Variants in RBM47 observed in about 807,000 individuals in gnomAD.
RBM47 encodes the protein RNA binding motif protein 47.
In RBM47, 21 loss-of-function variants were observed where a neutral mutation model predicts 47.1. The ratio of observed to expected loss-of-function variants is 0.45; its 90% CI spans 0.32 to 0.64. The LOEUF is 0.64. Ranked by LOEUF, RBM47 falls within the 30% of genes least tolerant of loss-of-function variation. The pLI, the probability that RBM47 is intolerant of heterozygous loss-of-function variation, is 0.05. For synonymous variants in RBM47, 375 were observed against 361.7 expected, an observed-to-expected ratio of 1.04 and a Z score of -0.42; for missense variants, 708 against 870.9, an observed-to-expected ratio of 0.81 and a Z score of 2.35.
At chr4:40,465,042 C>T (rs926582399) in intron 3 of RBM47, among the ~76,000 whole-genome samples, 1 of 151,824 alleles carries the variant, frequency 6.6e-6, no homozygotes, top group South Asian at 2.1e-4. Context: ...GATTTCCTTC[C>T]ATTAGTATAC....
intron 2 of RBM47, among the ~76,000 whole-genome samples, chr4:40,497,344 C>G (rs56952981): frequency 0.16 from 23,823 of 152,166 alleles, 1,904 homozygotes; most frequent in East Asian, 0.19. Flanking sequence ...AAGGGCCGGG[C>G]ATGGTGGCTC....
chr4:40,449,617 G>C (rs1311689185), intron 3 of RBM47, among the ~76,000 whole-genome samples: 3 of 152,182 alleles, frequency 2.0e-5, no homozygotes, highest in Admixed American at 2.0e-4. Context: ...GAAAGGGGTG[G>C]AGTGGGGAGA....
intron 1 of RBM47, among the ~76,000 whole-genome samples, chr4:40,595,182 G>C (rs1195499678): frequency 1.3e-5 from 2 of 152,152 alleles, no homozygotes; most frequent in East Asian, 3.8e-4. Context: ...GCCTGGGAAG[G>C]GGGAATAGCC....
chr4:40,562,557 C>T (rs368484395), intron 1 of RBM47, among the ~76,000 whole-genome samples: 5 of 151,306 alleles, frequency 3.3e-5, no homozygotes, highest in Admixed American at 6.6e-5. Context: ...CCTCTGCCTC[C>T]GGGGTTCAAG....
chr4:40,481,796 C>T (rs970484931), intron 2 of RBM47, among the ~76,000 whole-genome samples: 7 of 152,218 alleles, frequency 4.6e-5, no homozygotes, highest in African/African-American at 1.7e-4. Flanking sequence ...AAGCGATCCG[C>T]CCGCCTTGGT....
At chr4:40,502,339 G>C (rs115992827) in intron 2 of RBM47, among the ~76,000 whole-genome samples, 1 of 152,124 alleles carries the variant, frequency 6.6e-6, no homozygotes, top group African/African-American at 2.4e-5. Context: ...AGTCCAGAAC[G>C]TCATTTGATG....
At chr4:40,558,258 T>C (rs1162167574) in intron 1 of RBM47, among the ~76,000 whole-genome samples, 1 of 152,186 alleles carries the variant, frequency 6.6e-6, no homozygotes, top group Non-Finnish European at 1.5e-5. Context: ...GGCTCAGAAA[T>C]CATTTTTTCT....
At position 40,439,002 on chromosome 4, in the gene RBM47, G is replaced by A. The variant is rs1465340931; in HGVS notation, c.-31-78C>T. The A allele has an allele frequency of 5.4e-6, 7 of 1,300,910 alleles. No homozygotes were observed. In the East Asian group the frequency reaches 1.8e-4, roughly 33 times the overall value. The allele number at this position is 1,300,910 out of a possible 1,614,324, so 80.6% of individuals were successfully genotyped here. On this transcript the variant is annotated intron_variant, in intron 3 of 6. Coordinates refer to ENST00000295971, the MANE Select transcript of RBM47 (RefSeq NM_001098634.2). Reference sequence around the variant, plus strand: ...TGGGTTGTGTTTCGCAGCCTTGCAAGTATGCATTAATAGGCCACGGGGAAG... The same window carrying A: ...TGGGTTGTGTTTCGCAGCCTTGCAAATATGCATTAATAGGCCACGGGGAAG...
intron 2 of RBM47, among the ~76,000 whole-genome samples, chr4:40,476,942 A>G (rs1188439373): frequency 2.6e-5 from 4 of 152,228 alleles, no homozygotes; most frequent in African/African-American, 9.6e-5. Flanking sequence ...GGAAGTAAAA[A>G]GACCAGAATG....
intron 3 of RBM47, among the ~76,000 whole-genome samples, chr4:40,445,880 G>T (rs1577651545): frequency 6.6e-6 from 1 of 152,168 alleles, no homozygotes; most frequent in East Asian, 1.9e-4. Flanking sequence ...TTCAGAAGTA[G>T]AAACTTATCT....
intron 6 of RBM47, 47 bp from the exon 7 acceptor site, chr4:40,426,190 C>T: frequency 6.3e-7 from 1 of 1,576,142 alleles, no homozygotes; most frequent in South Asian, 1.2e-5. Flanking sequence ...CGTGTATGTA[C>T]CTATCATCCA....
At chr4:40,627,594 T>C (rs1737860445) in intron 1 of RBM47, among the ~76,000 whole-genome samples, 1 of 152,228 alleles carries the variant, frequency 6.6e-6, no homozygotes, top group Non-Finnish European at 1.5e-5. Context: ...AATTAAATCC[T>C]TTTGTAAGAA....
intron 1 of RBM47, among the ~76,000 whole-genome samples, chr4:40,581,465 T>TAAATAAATAAAA (rs1286437869): frequency 2.7e-5 from 4 of 150,400 alleles, no homozygotes; most frequent in South Asian, 2.1e-4. Flanking sequence ...AATAAATAAA[T>TAAATAAATAAAA]AAAAGGAGAG....
chr4:40,477,044 G>C (rs1231749120), intron 2 of RBM47, among the ~76,000 whole-genome samples: 1 of 152,142 alleles, frequency 6.6e-6, no homozygotes, highest in South Asian at 2.1e-4. Context: ...AGACTCGGGC[G>C]TGGTGGTGGG....
At chr4:40,433,963 T>G (rs1711790914) in intron 5 of RBM47, among the ~76,000 whole-genome samples, 1 of 133,988 alleles carries the variant, frequency 7.5e-6, no homozygotes, top group Non-Finnish European at 1.5e-5. Context: ...AAGGAAAAGA[T>G]ATCAGCCCTT....
At chr4:40,593,879 G>T in intron 1 of RBM47, among the ~76,000 whole-genome samples, 1 of 98,574 alleles carries the variant, frequency 1.0e-5, no homozygotes, top group African/African-American at 4.4e-5. Flanking sequence ...GCGAGACTCT[G>T]TCTCAAAAAA....
intron 2 of RBM47, among the ~76,000 whole-genome samples, chr4:40,498,658 G>GA (rs1722955814): frequency 9.2e-6 from 1 of 108,164 alleles, no homozygotes; most frequent in Non-Finnish European, 1.8e-5. Context: ...GGGCAACAGA[G>GA]AGACTCCATC....
intron 2 of RBM47, among the ~76,000 whole-genome samples, chr4:40,494,123 C>T (rs955533597): frequency 1.3e-5 from 2 of 152,218 alleles, no homozygotes; most frequent in African/African-American, 4.8e-5. Context: ...TACCGGGTAA[C>T]AGAGACACAA....
Position 40,438,124 on chromosome 4 carries a change from G to A in RBM47, c.770C>T (p.Thr257Ile). 6.2e-7 allele frequency: 1 copy of A among 1,613,390 alleles called. No homozygotes were observed. The highest frequency in any genetic ancestry group is 8.5e-7 in the Non-Finnish European group (1 of 1,180,020). The change falls in exon 4 of 7, where the codon ACC (threonine) becomes ATC (isoleucine). Residue 257 changes from threonine (T) to isoleucine (I), a missense_variant. Transcript: ENST00000295971. ...GCTCTTCTTGATGGTGTCCTCGGTG[G>A]TCTCGATCATGAGGTTGCGCACGTA... ...ILYVRNLMIE[T>I]TEDTIKKSFG... is the part of the protein sequence containing the mutation.
Sources: allele counts gnomAD v4.1 joint callset (sites outside exome capture counted in the v4.1 genomes callset), GRCh38; gene constraint gnomAD v4.1.1; transcripts MANE v1.5; gene names NCBI Gene and HGNC (gene_info 2026-07-23, HGNC 2026-07-21).